CLSTN2: variants seen among roughly 807,000 people sequenced by gnomAD.
The protein encoded by CLSTN2 is calsyntenin-2.
CLSTN2 carries 48 observed loss-of-function variants against 101.2 expected under a neutral mutation model. That is an observed-to-expected ratio of 0.47 (90% CI 0.38 to 0.60). The LOEUF is 0.60. Among genes scored for constraint, CLSTN2 ranks in the 20% least tolerant of loss-of-function variants. CLSTN2 has a pLI of 0.00. For synonymous variants in CLSTN2, 481 were observed against 463.6 expected (o/e 1.04, Z -0.48); for missense variants, 1,160 against 1,238.2 (o/e 0.94, Z 0.95).
intron 2 of CLSTN2, among the ~76,000 whole-genome samples, chr3:140,367,468 G>A (rs1428901525): frequency 3.8e-5 from 5 of 132,126 alleles, no homozygotes; most frequent in African/African-American, 1.5e-4. Context: ...AGCCGAGATT[G>A]TACCACTGCA....
intron 1 of CLSTN2, among the ~76,000 whole-genome samples, chr3:140,032,529 G>A (rs1304357012): frequency 6.6e-6 from 1 of 152,070 alleles, no homozygotes; most frequent in Non-Finnish European, 1.5e-5. Flanking sequence ...TAGAGATGGG[G>A]TTTTGCCATA....
intron 5 of CLSTN2, among the ~76,000 whole-genome samples, chr3:140,422,465 G>A (rs1045716192): frequency 1.3e-5 from 2 of 152,132 alleles, no homozygotes; most frequent in African/African-American, 4.8e-5. Flanking sequence ...AGTTCTCAAA[G>A]CACTCCTCCC....
intron 1 of CLSTN2, among the ~76,000 whole-genome samples, chr3:140,072,989 T>C (rs1172151890): frequency 3.9e-5 from 6 of 152,208 alleles, no homozygotes; most frequent in Non-Finnish European, 8.8e-5. Context: ...TTCAAATTAC[T>C]CTGAAACCTT....
chr3:140,338,823 G>T (rs114829378), intron 2 of CLSTN2, among the ~76,000 whole-genome samples: 1 of 152,220 alleles, frequency 6.6e-6, no homozygotes, highest in Non-Finnish European at 1.5e-5. Flanking sequence ...AGCAGGTGCA[G>T]CACCCTCCTT....
intron 2 of CLSTN2, among the ~76,000 whole-genome samples, chr3:140,194,549 T>C (rs563603801): frequency 1.3e-5 from 2 of 152,328 alleles, no homozygotes; most frequent in African/African-American, 4.8e-5. Flanking sequence ...GAGTTATTTC[T>C]GGTTTTGAGG....
At chr3:140,535,434 C>A (rs971009940) in intron 9 of CLSTN2, among the ~76,000 whole-genome samples, 1 of 152,158 alleles carries the variant, frequency 6.6e-6, no homozygotes, top group Non-Finnish European at 1.5e-5. Flanking sequence ...ATTTAAAAGC[C>A]ATTCCACAAA....
chr3:140,259,245 G>A (rs1167936423), intron 2 of CLSTN2, among the ~76,000 whole-genome samples: 1 of 151,510 alleles, frequency 6.6e-6, no homozygotes, highest in South Asian at 2.1e-4. Context: ...AGGCCAAGGC[G>A]GGTGGATCAC....
chr3:140,046,204 G>A (rs1361162659), intron 1 of CLSTN2, among the ~76,000 whole-genome samples: 2 of 151,660 alleles, frequency 1.3e-5, no homozygotes, highest in Non-Finnish European at 2.9e-5. Flanking sequence ...CTCCTGTATT[G>A]GGGGCATATA....
intron 2 of CLSTN2, among the ~76,000 whole-genome samples, chr3:140,280,760 T>C (rs2086838066): frequency 6.6e-6 from 1 of 152,122 alleles, no homozygotes; most frequent in African/African-American, 2.4e-5. Context: ...CGCACAGGTG[T>C]AGGTGCACAG....
At chr3:140,109,542 G>A (rs1307530858) in intron 1 of CLSTN2, among the ~76,000 whole-genome samples, 4 of 152,164 alleles carry the variant, frequency 2.6e-5, no homozygotes, top group African/African-American at 9.6e-5. Context: ...GGGGTCATGG[G>A]CTTTTTATGA....
At chr3:140,122,106 G>T (rs547874409) in intron 1 of CLSTN2, among the ~76,000 whole-genome samples, 1 of 152,260 alleles carries the variant, frequency 6.6e-6, no homozygotes, top group African/African-American at 2.4e-5. Flanking sequence ...ATCTCCCCAT[G>T]GTCTCTCTCC....
In CLSTN2 at chr3:140,430,949, A is replaced by G. The variant is rs772978519; in HGVS notation, c.787+9675A>G. ...ATCTTACTGTGTCAGAAGAAAGAGG[A>G]TAGAAAAAGGGGATTGAGAATTTCC... On this transcript the variant is annotated intron_variant, in intron 5 of 16. Coordinates refer to ENST00000458420, the MANE Select transcript of CLSTN2 (RefSeq NM_022131.3). 2.6e-4 allele frequency among the ~76,000 whole-genome samples: 40 copies of G among 152,220 alleles called. 1 individual carries two copies. The highest frequency in any genetic ancestry group is 1.3e-4 in the Admixed American group (2 of 15,288).
chr3:140,359,219 T>A (rs913228558), intron 2 of CLSTN2, among the ~76,000 whole-genome samples: 1 of 151,622 alleles, frequency 6.6e-6, no homozygotes. Flanking sequence ...CACCTCCTCA[T>A]TTCTGCATCC....
At chr3:140,548,528 G>A (rs79742045) in intron 10 of CLSTN2, among the ~76,000 whole-genome samples, 1,675 of 152,268 alleles carry the variant, frequency 0.011, 29 homozygotes, top group African/African-American at 0.035. Flanking sequence ...GATGAGGCCT[G>A]AGTAGAATGT....
At chr3:140,085,503 G>A (rs1004509432) in intron 1 of CLSTN2, among the ~76,000 whole-genome samples, 4 of 152,152 alleles carry the variant, frequency 2.6e-5, no homozygotes, top group Non-Finnish European at 5.9e-5. Flanking sequence ...GCAGGGAGAG[G>A]CCAGTTGGGC....
At position 140,214,811 on chromosome 3, in the gene CLSTN2, C is replaced by A. The variant is rs933358525; in HGVS notation, c.232+38738C>A. 3.3e-5 allele frequency among the ~76,000 whole-genome samples: 5 copies of A among 152,188 alleles called. No homozygotes were observed. The South Asian group carries it at 6.2e-4, about 19-fold the overall frequency. On this transcript the variant is annotated intron_variant, in intron 2 of 16. Coordinates refer to ENST00000458420, the MANE Select transcript of CLSTN2 (RefSeq NM_022131.3). Reference sequence around the variant, plus strand: ...AACGGCATAATTTAATGAAAGCAATCTTTCTTTGACTGTCTGAAACCTTAT... The same window carrying A: ...AACGGCATAATTTAATGAAAGCAATATTTCTTTGACTGTCTGAAACCTTAT...
intron 2 of CLSTN2, among the ~76,000 whole-genome samples, chr3:140,328,151 G>A (rs1211010980): frequency 6.6e-6 from 1 of 152,256 alleles, no homozygotes; most frequent in Non-Finnish European, 1.5e-5. Context: ...AGACTAGGAA[G>A]TTATGGGAGC....
chr3:140,264,624 C>G (rs1004516764), intron 2 of CLSTN2, among the ~76,000 whole-genome samples: 3 of 151,742 alleles, frequency 2.0e-5, no homozygotes, highest in Admixed American at 1.3e-4. Context: ...CTGCAAATAG[C>G]AAGAACTGGC....
intron 1 of CLSTN2, among the ~76,000 whole-genome samples, chr3:140,067,390 A>G (rs1203568805): frequency 6.6e-6 from 1 of 152,156 alleles, no homozygotes; most frequent in Non-Finnish European, 1.5e-5. Context: ...TTTCCCACAG[A>G]TGAAACTCCC....
Sources: gnomAD v4.1 joint callset for allele counts (sites outside exome capture counted in the v4.1 genomes callset) on GRCh38, gnomAD v4.1.1 for gene constraint, MANE v1.5 for transcripts, NCBI Gene and HGNC (gene_info 2026-07-23, HGNC 2026-07-21) for gene names.